Variants in AGBL3 observed in about 807,000 individuals in gnomAD.
AGBL3 encodes the protein cytosolic carboxypeptidase 3.
A neutral mutation model predicts 94.5 loss-of-function variants in AGBL3; 68 were observed. The observed-to-expected ratio is 0.72, with a 90% confidence interval of 0.59 to 0.88. The LOEUF (loss-of-function observed/expected upper bound fraction) is 0.88. Ranked by LOEUF, AGBL3 falls within the 40% of genes least tolerant of loss-of-function variation. The pLI, the probability that AGBL3 is intolerant of heterozygous loss-of-function variation, is 0.00. For synonymous variants in AGBL3, 354 were observed against 370.7 expected (o/e 0.95, Z 0.52); for missense variants, 934 against 1,103.8 (o/e 0.85, Z 2.18).
intron 5 of AGBL3, 42 bp from the exon 6 acceptor site, chr7:135,032,802 T>C (rs947668228): frequency 2.0e-5 from 30 of 1,499,544 alleles, no homozygotes; most frequent in Non-Finnish European, 2.6e-5. Flanking sequence ...CTTCTTACTT[T>C]AGGTATACCT....
Position 135,044,220 on chromosome 7 carries a change from G to C in AGBL3, c.1627+69G>C. ...CAAACATGTATAATTTAATGTAAAT[G>C]TAACAGTACAGACAATAGTACTTTC... On this transcript the variant is annotated intron_variant, in intron 9 of 16. Transcript: ENST00000436302. The C allele has an allele frequency of 2.1e-6, 3 of 1,442,404 alleles. No individual in the cohort carries two copies. The South Asian group carries it at 4.6e-5, about 22-fold the overall frequency. The allele number at this position is 1,442,404 out of a possible 1,614,324, so 89.4% of individuals were successfully genotyped here.
At chr7:135,019,913 A>C (rs186727642) in intron 5 of AGBL3, among the ~76,000 whole-genome samples, 33 of 152,334 alleles carry the variant, frequency 2.2e-4, no homozygotes, top group African/African-American at 7.9e-4. Flanking sequence ...AAATTAATTT[A>C]AGATGGATTA....
At chr7:135,014,024 A>G (rs1048245848) in intron 4 of AGBL3, among the ~76,000 whole-genome samples, 4 of 151,828 alleles carry the variant, frequency 2.6e-5, no homozygotes, top group Non-Finnish European at 5.9e-5. Context: ...GTGGAACTCC[A>G]TCTCTACTAA....
At position 134,989,349 on chromosome 7, in the gene AGBL3, C is replaced by A. The variant is rs772447702; in HGVS notation, c.124+39C>A. On this transcript the variant is annotated intron_variant, in intron 3 of 16. Transcript: ENST00000436302. ...CATATAGTTTTTGTTTAGCATAAAA[C>A]TTTGAATGGATAAAAAAGAAGATGA... The A allele has an allele frequency of 1.3e-5, 18 of 1,363,504 alleles. No homozygotes were observed. In the African/African-American group the frequency reaches 1.8e-4, roughly 13 times the overall value. 84.5% of individuals were successfully genotyped at this position (1,363,504 alleles called of 1,614,324 possible).
intron 13 of AGBL3, among the ~76,000 whole-genome samples, chr7:135,077,730 CCT>C (rs1820584821): frequency 6.6e-6 from 1 of 152,074 alleles, no homozygotes; most frequent in Non-Finnish European, 1.5e-5. Context: ...CCTTTATGCC[CCT>C]GAGTCAAATC....
intron 4 of AGBL3, among the ~76,000 whole-genome samples, chr7:135,000,101 C>A (rs752513557): frequency 6.6e-6 from 1 of 152,172 alleles, no homozygotes; most frequent in African/African-American, 2.4e-5. Flanking sequence ...CTGTATAAAC[C>A]GTTTCCATTT....
At chr7:135,097,111 T>C (rs1173468361) in intron 15 of AGBL3, among the ~76,000 whole-genome samples, 5 of 152,178 alleles carry the variant, frequency 3.3e-5, no homozygotes, top group Non-Finnish European at 7.4e-5. Flanking sequence ...CATCAACAAA[T>C]GAATGCTTAT....
chr7:135,102,883 AG>A (rs1251202544), intron 15 of AGBL3, among the ~76,000 whole-genome samples: 1 of 152,194 alleles, frequency 6.6e-6, no homozygotes, highest in Non-Finnish European at 1.5e-5. Flanking sequence ...CTCCTCAAAT[AG>A]TACTCATAAA....
chr7:135,098,591 T>C lies in AGBL3; in HGVS notation c.2111-16789T>C, dbSNP rs1369401919. On this transcript the variant is annotated intron_variant, in intron 15 of 16. Transcript: ENST00000436302. ...TGACAGGATATCTAACTTGATGTCA[T>C]TGCATTGGAATGATACCAGGAGCAG... Among the ~76,000 whole-genome samples the C allele has an allele frequency of 5.9e-5, 9 of 152,300 alleles. No homozygotes were observed. The South Asian group carries it at 1.7e-3, about 28-fold the overall frequency.
At chr7:135,049,295 C>T (rs1028552741) in intron 11 of AGBL3, among the ~76,000 whole-genome samples, 4 of 151,838 alleles carry the variant, frequency 2.6e-5, no homozygotes, top group Non-Finnish European at 5.9e-5. Context: ...GGTGGGCAAT[C>T]CTTTTAATGT....
intron 12 of AGBL3, among the ~76,000 whole-genome samples, chr7:135,062,153 T>G (rs937421342): frequency 1.3e-5 from 2 of 152,090 alleles, no homozygotes; most frequent in Admixed American, 6.6e-5. Flanking sequence ...GTAGATATTA[T>G]AAATGGAATT....
intron 16 of AGBL3, chr7:135,129,535 C>A (rs1325531074): frequency 1.0e-5 from 8 of 772,208 alleles, no homozygotes; most frequent in Non-Finnish European, 1.9e-5. Flanking sequence ...ATGACATGTA[C>A]TGGCTGTATG....
chr7:135,022,441 G>A (rs895671699), intron 5 of AGBL3, among the ~76,000 whole-genome samples: 2 of 151,732 alleles, frequency 1.3e-5, no homozygotes, highest in African/African-American at 2.4e-5. Context: ...TTCTTCATAT[G>A]TTTGTTGGCC....
chr7:135,067,994 A>G (rs1229346329), intron 12 of AGBL3, among the ~76,000 whole-genome samples: 1 of 152,210 alleles, frequency 6.6e-6, no homozygotes, highest in East Asian at 1.9e-4. Context: ...CTTGAAAAAA[A>G]TTAGACGAAT....
intron 15 of AGBL3, among the ~76,000 whole-genome samples, chr7:135,099,407 T>C (rs757312585): frequency 1.3e-5 from 2 of 152,208 alleles, no homozygotes; most frequent in African/African-American, 2.4e-5. Context: ...TAATTGAAGA[T>C]AAGCTCAATT....
At chr7:135,019,534 G>A (rs1814189528) in intron 5 of AGBL3, among the ~76,000 whole-genome samples, 1 of 151,924 alleles carries the variant, frequency 6.6e-6, no homozygotes, top group Non-Finnish European at 1.5e-5. Context: ...TATGGGTCAA[G>A]GTTCATTTTT....
At chr7:135,133,892 A>G (rs1227457250) in intron 16 of AGBL3, among the ~76,000 whole-genome samples, 1 of 152,174 alleles carries the variant, frequency 6.6e-6, no homozygotes, top group Admixed American at 6.6e-5. Context: ...AGCAATTATA[A>G]TAAGGAATGA....
At chr7:135,045,634 C>G in intron 10 of AGBL3, 60 bp downstream of exon 10, 2 of 1,434,952 alleles carry the variant, frequency 1.4e-6, no homozygotes, top group Non-Finnish European at 1.9e-6. Flanking sequence ...CATAAGCTGA[C>G]TATGGGCCTA....
chr7:135,057,863 A>C (rs1457577251), intron 11 of AGBL3, among the ~76,000 whole-genome samples: 1 of 152,218 alleles, frequency 6.6e-6, no homozygotes, highest in Non-Finnish European at 1.5e-5. Flanking sequence ...GGAAAATGTA[A>C]GTCTGAAAAG....
Sources: allele counts gnomAD v4.1 joint callset (sites outside exome capture counted in the v4.1 genomes callset), GRCh38; gene constraint gnomAD v4.1.1; transcripts MANE v1.5; gene names NCBI Gene and HGNC (gene_info 2026-07-23, HGNC 2026-07-21).